The following IFI6 variants were observed in gnomAD, a reference collection of about 807,000 sequenced individuals.
The protein encoded by IFI6 is interferon alpha-inducible protein 6.
In IFI6, 10 loss-of-function variants were observed where a neutral mutation model predicts 12.7. The ratio of observed to expected loss-of-function variants is 0.79; its 90% CI spans 0.49 to 1.33. The LOEUF (loss-of-function observed/expected upper bound fraction) is 1.33. Among genes scored for constraint, IFI6 ranks in the 40% most tolerant of loss-of-function variants. IFI6 has a pLI of 0.00. For synonymous variants in IFI6, 89 were observed against 86.2 expected (o/e 1.03, Z -0.18); for missense variants, 154 against 180.4 (o/e 0.85, Z 0.84).
intron 2 of IFI6, 122 bp from the exon 3 acceptor site, chr1:27,668,657 G>A (rs2090375059): frequency 1.4e-6 from 1 of 735,470 alleles, no homozygotes; most frequent in Non-Finnish European, 2.3e-6. Flanking sequence ...TACTCAGAGA[G>A]CCTCACAGAG....
At chr1:27,668,704 A>G (rs1267069313) in intron 2 of IFI6, among the ~76,000 whole-genome samples, 169 bp from the exon 3 acceptor site, 1 of 152,160 alleles carries the variant, frequency 6.6e-6, no homozygotes, top group African/African-American at 2.4e-5. Context: ...AGCCTGGCAC[A>G]GAACTAGCAT....
rs984756184 is a variant in IFI6 at position 27,670,786 on chromosome 1, A to G, written c.-33+1337T>C. ...ATGGAGGCTTCATTACATAGGCATG[A>G]CTGATTAAATCACTGCCCATTGGTA... On this transcript the variant is annotated intron_variant, in intron 1 of 4. Coordinates refer to ENST00000361157, the MANE Select transcript of IFI6 (RefSeq NM_002038.4). Among the ~76,000 whole-genome samples the G allele has an allele frequency of 3.9e-5, 6 of 152,132 alleles. 1 individual carries two copies. The highest frequency in any genetic ancestry group is 3.9e-4 in the Admixed American group (6 of 15,278).
intron 1 of IFI6, among the ~76,000 whole-genome samples, chr1:27,671,613 C>A (rs996995389): frequency 6.6e-6 from 1 of 151,792 alleles, no homozygotes; most frequent in Non-Finnish European, 1.5e-5. Flanking sequence ...GTCTCGATCT[C>A]CTGACCTCGT....
At position 27,671,370 on chromosome 1, in the gene IFI6, C is replaced by T. The variant is rs531298007; in HGVS notation, c.-33+753G>A. Among the ~76,000 whole-genome samples, 4 of 150,180 alleles carry T rather than the reference C, an allele frequency of 2.7e-5. No homozygotes were observed. The East Asian group carries it at 7.8e-4, about 29-fold the overall frequency. ...TTTAAACCCACAATTGGCTAATACCCAAGCCCACATTTTTTTTTTTTTTTT... is the reference window on the plus strand; with the variant it reads ...TTTAAACCCACAATTGGCTAATACCTAAGCCCACATTTTTTTTTTTTTTTT... On this transcript the variant is annotated intron_variant, in intron 1 of 4. Transcript: ENST00000361157.
intron 1 of IFI6, among the ~76,000 whole-genome samples, chr1:27,671,148 T>C (rs1466797357): frequency 6.6e-6 from 1 of 152,112 alleles, no homozygotes; most frequent in Admixed American, 6.5e-5. Flanking sequence ...TTTCTTAAGT[T>C]AAAAAGAAAA....
Position 27,668,493 on chromosome 1 carries a change from A to G in IFI6, c.113T>C (p.Phe38Ser). The G allele has an allele frequency of 6.2e-7, 1 of 1,611,638 alleles. No individual in the cohort carries two copies. The highest frequency in any genetic ancestry group is 8.5e-7 in the Non-Finnish European group (1 of 1,178,962). ...CSESSDSGSG[F>S]WKALTFMAVG... ...GGCCATGAAGGTCAGGGCCTTCCAG[A>G]ACCCGGAGCCGCTGTCCGAGCTCTC... is the stretch of plus-strand genomic sequence containing the variant. Residue 38 changes from phenylalanine to serine, a missense_variant, in exon 3 of 5, where the codon TTC becomes TCC. Coordinates refer to ENST00000361157, the MANE Select transcript of IFI6 (RefSeq NM_002038.4).
chr1:27,668,323 C>A lies in IFI6; in HGVS notation c.201G>T (p.Ala67=). The change falls in exon 4 of 5, where the codon GCG becomes GCT. Residue 67 remains alanine (A), a synonymous_variant. Coordinates refer to ENST00000361157, the MANE Select transcript of IFI6 (RefSeq NM_002038.4). ...TCAGCGAGGCAGCCACCGAGTTGGCCGCGATGCCGGCGCCGGTGAAGCCCA... is the reference window on the plus strand; with the variant it reads ...TCAGCGAGGCAGCCACCGAGTTGGCAGCGATGCCGGCGCCGGTGAAGCCCA... ...PALGFTGAGI[A]ANSVAASLMS... is the part of the protein sequence containing the mutation. The A allele has an allele frequency of 6.4e-7, 1 of 1,572,558 alleles. No individual in the cohort carries two copies. Among genetic ancestry groups the A allele is most frequent in the East Asian group, 2.4e-5 (1 of 42,362 alleles).
At chr1:27,671,394 T>A (rs947123086) in intron 1 of IFI6, among the ~76,000 whole-genome samples, 1 of 151,254 alleles carries the variant, frequency 6.6e-6, no homozygotes, top group Admixed American at 6.6e-5. Flanking sequence ...TTTTTTTTTT[T>A]TTTTGAGATG....
chr1:27,668,591 C>G (rs2090373914), intron 2 of IFI6, 56 bp from the exon 3 acceptor site: 15 of 1,426,824 alleles, frequency 1.1e-5, no homozygotes, highest in Non-Finnish European at 1.4e-5. Context: ...ACAGGGGTCC[C>G]CTACTCTGTG....
chr1:27,668,164 C>T (rs567658890), intron 4 of IFI6, 62 bp downstream of exon 4: 5 of 1,375,938 alleles, frequency 3.6e-6, no homozygotes, highest in East Asian at 2.7e-5. Context: ...TCAGTTTCCC[C>T]AGATGTATGA....
intron 1 of IFI6, chr1:27,670,301 T>C (rs1001577474): frequency 8.5e-5 from 13 of 152,208 alleles, no homozygotes; most frequent in Admixed American, 8.5e-4. Context: ...CTTGTTGTTG[T>C]TTTGAGACAG....
chr1:27,669,524 T>C, intron 1 of IFI6, 178 bp from the exon 2 acceptor site: 2 of 558,804 alleles, frequency 3.6e-6, no homozygotes, highest in East Asian at 6.2e-5. Context: ...GTGGCAGAGA[T>C]GTCCCTGCCC....
intron 3 of IFI6, 39 bp downstream of exon 3, chr1:27,668,419 C>CCGCCCCGCCTGCCCGAGATCCT: frequency 6.3e-7 from 1 of 1,590,586 alleles, no homozygotes; most frequent in Non-Finnish European, 8.6e-7. Flanking sequence ...CGGCAGAGGC[C>CCGCCCCGCCTGCCCGAGATCCT]CGCCCCGCCT....
chr1:27,669,298 A>G lies in IFI6; in HGVS notation c.17T>C (p.Val6Ala). 3 of 1,552,668 alleles carry G rather than the reference A, an allele frequency of 1.9e-6. No homozygotes were observed. Among genetic ancestry groups the G allele is most frequent in the Non-Finnish European group, 1.7e-6 (2 of 1,147,396 alleles). MRQKA[V>A]SLFLCYLLLF... is the part of the protein sequence containing the mutation. ...CAGCAGGTAGCACAAGAAAAGCGAT[A>G]CCGCCTTCTGCCGCATGGTGGCGCC... Residue 6 changes from valine to alanine, a missense_variant, in exon 2 of 5, where the codon GTA (valine) becomes GCA (alanine). Coordinates refer to ENST00000361157, the MANE Select transcript of IFI6 (RefSeq NM_002038.4).
At chr1:27,668,011 C>T (rs2090364384) in intron 4 of IFI6, among the ~76,000 whole-genome samples, 1 of 152,242 alleles carries the variant, frequency 6.6e-6, no homozygotes, top group Admixed American at 6.5e-5. Context: ...GCAGAGGTTG[C>T]AGTGAGCCAA....
chr1:27,668,073 T>G (rs1417662799), intron 4 of IFI6, among the ~76,000 whole-genome samples, 153 bp downstream of exon 4: 3 of 152,216 alleles, frequency 2.0e-5, no homozygotes, highest in Non-Finnish European at 4.4e-5. Context: ...AGACTCTGTC[T>G]CAAAATAAAT....
At chr1:27,671,556 T>C (rs1157395565) in intron 1 of IFI6, among the ~76,000 whole-genome samples, 1 of 151,762 alleles carries the variant, frequency 6.6e-6, no homozygotes, top group African/African-American at 2.4e-5. Context: ...GGCTAATTTT[T>C]TTTGTATTTT....
intron 2 of IFI6, among the ~76,000 whole-genome samples, 199 bp downstream of exon 2, chr1:27,669,045 AT>A (rs2090381639): frequency 4.4e-4 from 1 of 2,258 alleles, no homozygotes; most frequent in African/African-American, 8.2e-4. Flanking sequence ...CCTTACCTGC[AT>A]CCTTACCCGC....
At position 27,672,157 on chromosome 1, in the gene IFI6, G is replaced by C. The variant is rs572064156; in HGVS notation, c.-67C>G. ...GAGAAGAGAAGCAATCTTCAGCCCG[G>C]AGCCTGCTGATAGATGGGCACAGCA... On this transcript the variant is annotated 5_prime_UTR_variant, in exon 1 of 5. Coordinates refer to ENST00000361157, the MANE Select transcript of IFI6 (RefSeq NM_002038.4). 7.2e-5 allele frequency: 11 copies of C among 152,372 alleles called. No homozygotes were observed. Among genetic ancestry groups the C allele is most frequent in the African/African-American group, 2.6e-4 (11 of 41,592 alleles). The allele number at this position is 152,372 out of a possible 1,614,324, so 9.4% of individuals were successfully genotyped here.
Sources: allele counts gnomAD v4.1 joint callset (sites outside exome capture counted in the v4.1 genomes callset), GRCh38; gene constraint gnomAD v4.1.1; transcripts MANE v1.5; gene names NCBI Gene and HGNC (gene_info 2026-07-23, HGNC 2026-07-21).